The following PDZRN3 variants were observed in gnomAD, a reference collection of about 807,000 sequenced individuals.
PDZRN3 encodes PDZ domain containing ring finger 3.
PDZRN3 carries 38 observed loss-of-function variants against 85.7 expected under a neutral mutation model. The observed-to-expected ratio is 0.44, with a 90% CI of 0.34 to 0.58. PDZRN3 has a LOEUF of 0.58. PDZRN3 is among the 20% of genes least tolerant of loss of function. The probability of loss-of-function intolerance (pLI) is 0.01; values close to 1 mark genes in which losing one functional copy is unlikely to be tolerated. For synonymous variants in PDZRN3, 759 were observed against 638.0 expected (o/e 1.19, Z -2.86); for missense variants, 1,629 against 1,506.4 (o/e 1.08, Z -1.35).
intron 3 of PDZRN3, among the ~76,000 whole-genome samples, chr3:73,557,176 C>T (rs988455877): frequency 6.6e-6 from 1 of 152,188 alleles, no homozygotes; most frequent in Non-Finnish European, 1.5e-5. Context: ...AGGGAAAAAT[C>T]TCTAGAGCCT....
intron 3 of PDZRN3, among the ~76,000 whole-genome samples, chr3:73,522,770 C>G (rs954987138): frequency 6.6e-6 from 1 of 152,094 alleles, no homozygotes; most frequent in African/African-American, 2.4e-5. Context: ...AGAAACAATT[C>G]TCATTATTTA....
chr3:73,576,629 CA>C (rs1702127966), intron 3 of PDZRN3, among the ~76,000 whole-genome samples: 1 of 152,172 alleles, frequency 6.6e-6, no homozygotes, highest in African/African-American at 2.4e-5. Flanking sequence ...GCATCACCAC[CA>C]AACACAAGTT....
intron 3 of PDZRN3, among the ~76,000 whole-genome samples, chr3:73,580,379 GAT>G (rs1428935026): frequency 6.6e-6 from 1 of 152,202 alleles, no homozygotes; most frequent in Non-Finnish European, 1.5e-5. Flanking sequence ...TGAGCTGAGA[GAT>G]AACGCAGGCC....
At chr3:73,459,104 C>A (rs1198849408) in intron 3 of PDZRN3, among the ~76,000 whole-genome samples, 1 of 152,128 alleles carries the variant, frequency 6.6e-6, no homozygotes. Context: ...GAAGGCACCT[C>A]TTCACAGGGC....
At chr3:73,436,040 C>T (rs1451649404) in intron 3 of PDZRN3, among the ~76,000 whole-genome samples, 1 of 152,302 alleles carries the variant, frequency 6.6e-6, no homozygotes, top group Non-Finnish European at 1.5e-5. Flanking sequence ...ACCGCTCTTC[C>T]CTTTCTCCTT....
intron 3 of PDZRN3, among the ~76,000 whole-genome samples, chr3:73,528,217 T>A (rs1169923932): frequency 6.6e-6 from 1 of 152,180 alleles, no homozygotes; most frequent in Non-Finnish European, 1.5e-5. Flanking sequence ...CAGCTGGCTT[T>A]AAAAACCTTC....
chr3:73,509,383 T>C (rs898356675), intron 3 of PDZRN3, among the ~76,000 whole-genome samples: 4 of 152,160 alleles, frequency 2.6e-5, no homozygotes, highest in Admixed American at 2.6e-4. Flanking sequence ...GGTGCAGAAA[T>C]TGGACCTCTG....
intron 3 of PDZRN3, among the ~76,000 whole-genome samples, chr3:73,486,319 C>T (rs1703660498): frequency 6.6e-6 from 1 of 151,794 alleles, no homozygotes; most frequent in South Asian, 2.1e-4. Context: ...CCAATCCAGG[C>T]ACAAGTGTAC....
chr3:73,563,343 A>C (rs958123923), intron 3 of PDZRN3, among the ~76,000 whole-genome samples: 2 of 151,772 alleles, frequency 1.3e-5, no homozygotes, highest in East Asian at 1.9e-4. Context: ...CCGCCAAATT[A>C]TATTTTCTAT....
chr3:73,470,239 T>C (rs1703309041), intron 3 of PDZRN3, among the ~76,000 whole-genome samples: 1 of 152,270 alleles, frequency 6.6e-6, no homozygotes, highest in Non-Finnish European at 1.5e-5. Context: ...AGCATTTTTA[T>C]ATTTTTAATC....
intron 3 of PDZRN3, among the ~76,000 whole-genome samples, chr3:73,419,496 A>G (rs1401118670): frequency 6.6e-6 from 1 of 152,190 alleles, no homozygotes; most frequent in Admixed American, 6.5e-5. Context: ...TGCACACGCA[A>G]CGGCAGAGAA....
intron 3 of PDZRN3, among the ~76,000 whole-genome samples, chr3:73,537,781 G>A (rs928479487): frequency 1.5e-4 from 20 of 134,188 alleles, no homozygotes; most frequent in Non-Finnish European, 2.7e-4. Context: ...CACCACACCC[G>A]GCTAATTTTT....
chr3:73,503,712 ACT>A (rs201968845), intron 3 of PDZRN3, among the ~76,000 whole-genome samples: 6,126 of 152,234 alleles, frequency 0.04, 140 homozygotes, highest in Middle Eastern at 0.078. Context: ...TCTGAACTCA[ACT>A]CTCTCAGTGC....
chr3:73,551,255 G>A (rs1222810479), intron 3 of PDZRN3, among the ~76,000 whole-genome samples: 2 of 152,184 alleles, frequency 1.3e-5, no homozygotes, highest in African/African-American at 2.4e-5. Flanking sequence ...CACTGTCTTG[G>A]ATGAGCTTTG....
intron 3 of PDZRN3, among the ~76,000 whole-genome samples, chr3:73,412,795 C>T (rs941887765): frequency 2.6e-5 from 4 of 152,198 alleles, no homozygotes; most frequent in Non-Finnish European, 4.4e-5. Flanking sequence ...ATACCAAGTG[C>T]TCAGTGAAGG....
chr3:73,511,332 C>T (rs1458523868), intron 3 of PDZRN3, among the ~76,000 whole-genome samples: 1 of 152,136 alleles, frequency 6.6e-6, no homozygotes, highest in Non-Finnish European at 1.5e-5. Flanking sequence ...CTCTCTTAGC[C>T]CTTTGTTGTC....
chr3:73,458,477 TA>T (rs1324698707), intron 3 of PDZRN3, among the ~76,000 whole-genome samples: 1 of 150,872 alleles, frequency 6.6e-6, no homozygotes, highest in Non-Finnish European at 1.5e-5. Flanking sequence ...TTTTCCCATT[TA>T]AAGTAATTTT....
At chr3:73,417,838 C>T (rs990512872) in intron 3 of PDZRN3, among the ~76,000 whole-genome samples, 4 of 152,188 alleles carry the variant, frequency 2.6e-5, no homozygotes, top group African/African-American at 9.7e-5. Context: ...CTATCTATCT[C>T]CATTGAAATG....
intron 1 of PDZRN3, among the ~76,000 whole-genome samples, chr3:73,618,265 T>G (rs1218401290): frequency 1.3e-5 from 2 of 152,172 alleles, no homozygotes; most frequent in Non-Finnish European, 2.9e-5. Context: ...TGAAATAAAA[T>G]AATGCATGTA....
Sources: allele counts gnomAD v4.1 joint callset (sites outside exome capture counted in the v4.1 genomes callset), GRCh38; gene constraint gnomAD v4.1.1; transcripts MANE v1.5; gene names NCBI Gene and HGNC (gene_info 2026-07-23, HGNC 2026-07-21).